The following ARHGEF3 variants were observed in gnomAD, a reference collection of about 807,000 sequenced individuals.
ARHGEF3 encodes the protein Rho guanine nucleotide exchange factor 3, also known as 59.8 kDA protein.
Under a neutral mutation model 63.2 loss-of-function variants are expected in ARHGEF3, and 28 were observed. The ratio of observed to expected loss-of-function variants is 0.44; its 90% CI spans 0.33 to 0.61. The LOEUF is 0.61. ARHGEF3 is among the 20% of genes least tolerant of loss of function. The probability of loss-of-function intolerance (pLI) is 0.03; values close to 1 mark genes in which losing one functional copy is unlikely to be tolerated. For missense variants in ARHGEF3, 533 were observed against 659.3 expected (o/e 0.81, Z 2.10); for synonymous variants, 266 against 254.2 (o/e 1.05, Z -0.44).
intron 6 of ARHGEF3, among the ~76,000 whole-genome samples, chr3:56,746,273 G>C (rs904373664): frequency 5.9e-5 from 9 of 152,208 alleles, no homozygotes; most frequent in Non-Finnish European, 1.3e-4. Context: ...GAGGGATTCA[G>C]TGCAAGACAC....
At chr3:57,012,736 C>T (rs190917712) in intron 2 of ARHGEF3, among the ~76,000 whole-genome samples, 12 of 152,320 alleles carry the variant, frequency 7.9e-5, no homozygotes, top group East Asian at 1.9e-4. Context: ...TGCTGGCAGC[C>T]GTTGCTCGCT....
At chr3:56,846,932 T>C (rs1195448995) in intron 4 of ARHGEF3, among the ~76,000 whole-genome samples, 2 of 152,186 alleles carry the variant, frequency 1.3e-5, no homozygotes, top group Non-Finnish European at 2.9e-5. Flanking sequence ...CATCAATAGT[T>C]CTTACAGGAT....
At chr3:56,982,213 C>T (rs2106906827) in intron 2 of ARHGEF3, among the ~76,000 whole-genome samples, 1 of 151,510 alleles carries the variant, frequency 6.6e-6, no homozygotes, top group Admixed American at 6.6e-5. Context: ...CTGAAGGTAG[C>T]CTATCACTAG....
chr3:56,952,022 T>G (rs1699835939), intron 3 of ARHGEF3, among the ~76,000 whole-genome samples: 1 of 151,936 alleles, frequency 6.6e-6, no homozygotes, highest in African/African-American at 2.4e-5. Context: ...GTATACACCT[T>G]GTATAATCCT....
At chr3:56,977,006 G>A (rs1160864771) in intron 2 of ARHGEF3, among the ~76,000 whole-genome samples, 1 of 151,880 alleles carries the variant, frequency 6.6e-6, no homozygotes, top group Non-Finnish European at 1.5e-5. Flanking sequence ...ACTACTATTC[G>A]TACTGTGCTT....
intron 2 of ARHGEF3, among the ~76,000 whole-genome samples, chr3:56,978,717 A>G (rs1701214891): frequency 6.6e-6 from 1 of 152,224 alleles, no homozygotes; most frequent in Non-Finnish European, 1.5e-5. Flanking sequence ...CATTAAAATG[A>G]CCCAAAAGTT....
At chr3:56,871,942 T>C (rs150144620) in intron 4 of ARHGEF3, among the ~76,000 whole-genome samples, 101 of 152,344 alleles carry the variant, frequency 6.6e-4, no homozygotes, top group African/African-American at 2.2e-3. Flanking sequence ...CAGAAATCAC[T>C]ATATTTTCAA....
chr3:56,880,244 G>A (rs1190401258), intron 4 of ARHGEF3, among the ~76,000 whole-genome samples: 1 of 152,172 alleles, frequency 6.6e-6, no homozygotes, highest in African/African-American at 2.4e-5. Flanking sequence ...TGGTGGTAAT[G>A]GGGTAGATTT....
chr3:57,002,478 G>GA (rs1702248299), intron 2 of ARHGEF3, among the ~76,000 whole-genome samples: 1 of 13,672 alleles, frequency 7.3e-5, no homozygotes, highest in African/African-American at 3.5e-4. Flanking sequence ...ATATATATAT[G>GA]TTATATATAT....
intron 4 of ARHGEF3, among the ~76,000 whole-genome samples, chr3:56,865,196 C>T (rs141708001): frequency 8.7e-4 from 132 of 152,212 alleles, no homozygotes; most frequent in Middle Eastern, 3.4e-3. Context: ...TAAATGAAGT[C>T]GCAGCCTCAA....
At chr3:56,827,407 C>A (rs1025591131) in intron 4 of ARHGEF3, among the ~76,000 whole-genome samples, 1 of 152,108 alleles carries the variant, frequency 6.6e-6, no homozygotes, top group African/African-American at 2.4e-5. Flanking sequence ...ACTGAGTGGT[C>A]CAGGTTTAAA....
At chr3:56,964,169 T>C (rs957405195) in intron 2 of ARHGEF3, among the ~76,000 whole-genome samples, 3 of 152,040 alleles carry the variant, frequency 2.0e-5, no homozygotes, top group African/African-American at 7.2e-5. Context: ...CTGGAAAATA[T>C]GGTGAAACCC....
intron 7 of ARHGEF3, among the ~76,000 whole-genome samples, chr3:56,737,823 T>C (rs1030533192): frequency 1.1e-4 from 16 of 152,260 alleles, no homozygotes; most frequent in African/African-American, 3.6e-4. Context: ...GTACTCAATC[T>C]AATGTATGAA....
intron 2 of ARHGEF3, among the ~76,000 whole-genome samples, chr3:56,762,826 C>T (rs949102718): frequency 6.6e-6 from 1 of 152,126 alleles, no homozygotes; most frequent in Admixed American, 6.5e-5. Flanking sequence ...GCAATAATGG[C>T]CAGGACAGGA....
chr3:56,806,728 C>T (rs530925489), upstream of ARHGEF3, among the ~76,000 whole-genome samples: 3 of 152,320 alleles, frequency 2.0e-5, no homozygotes, highest in African/African-American at 7.2e-5. Context: ...GGCTTGGAGA[C>T]CATCTGTCAA....
At chr3:56,750,207 G>A (rs1385043773) in intron 6 of ARHGEF3, among the ~76,000 whole-genome samples, 1 of 152,190 alleles carries the variant, frequency 6.6e-6, no homozygotes. Flanking sequence ...TGGAACTGGG[G>A]TGGACCATTC....
intron 3 of ARHGEF3, among the ~76,000 whole-genome samples, chr3:56,884,495 A>C (rs1308250867): frequency 6.6e-6 from 1 of 152,258 alleles, no homozygotes; most frequent in East Asian, 1.9e-4. Flanking sequence ...TTTCCACTGA[A>C]ACAGTGGTGC....
chr3:57,017,699 G>A lies in ARHGEF3; in HGVS notation c.62+17389C>T, dbSNP rs144412308. Among the ~76,000 whole-genome samples the A allele has an allele frequency of 1.7e-3, 254 of 152,256 alleles. 1 individual carries two copies. The highest frequency in any genetic ancestry group is 3.4e-3 in the Middle Eastern group (1 of 294). ...TCTGTTCCTCCTTTCCCACGATGTC[G>A]TCACGGCTGCCCAAGGATGAGTCAC... On this transcript the variant is annotated intron_variant, in intron 2 of 12. Coordinates refer to the ARHGEF3 transcript ENST00000338458.
intron 4 of ARHGEF3, among the ~76,000 whole-genome samples, chr3:56,858,059 A>G (rs2039945215): frequency 6.6e-6 from 1 of 152,070 alleles, no homozygotes; most frequent in Admixed American, 6.6e-5. Flanking sequence ...CCTAGGCAAC[A>G]TGGTGGAACC....
Sources: gnomAD v4.1 joint callset for allele counts (sites outside exome capture counted in the v4.1 genomes callset) on GRCh38, gnomAD v4.1.1 for gene constraint, MANE v1.5 for transcripts, NCBI Gene and HGNC (gene_info 2026-07-23, HGNC 2026-07-21) for gene names.